Variants in RABGAP1 observed in about 807,000 individuals in gnomAD.
The protein encoded by RABGAP1 is RAB GTPase activating protein 1, also known as rab GTPase-activating protein 1.
A neutral mutation model predicts 137.6 loss-of-function variants in RABGAP1; 23 were observed. That is an observed-to-expected ratio of 0.17 (90% CI 0.12 to 0.24). The LOEUF (loss-of-function observed/expected upper bound fraction) is 0.24. RABGAP1 is among the 10% of genes least tolerant of loss of function. The pLI is 1.00. For synonymous variants in RABGAP1, 451 were observed against 450.7 expected, an observed-to-expected ratio of 1.00 and a Z score of -0.01; for missense variants, 906 against 1,275.8, an observed-to-expected ratio of 0.71 and a Z score of 4.42.
At chr9:122,999,784 C>T (rs1447666761) in intron 10 of RABGAP1, among the ~76,000 whole-genome samples, 1 of 150,808 alleles carries the variant, frequency 6.6e-6, no homozygotes, top group Non-Finnish European at 1.5e-5. Context: ...TCCTGCCCAT[C>T]TCTCTTCTCT....
rs1025434949 is a variant in RABGAP1 at position 122,984,425 on chromosome 9, T to G, written c.151-60T>G. 53 of 1,392,042 alleles carry G rather than the reference T, an allele frequency of 3.8e-5. No individual in the cohort carries two copies. The African/African-American group carries it at 6.1e-4, about 16-fold the overall frequency. The allele number at this position is 1,392,042 out of a possible 1,614,324, so 86.2% of individuals were successfully genotyped here. A position where few individuals can be genotyped will look rare whatever the true frequency, so the allele number is the denominator to read the frequency against. On this transcript the variant is annotated intron_variant, in intron 2 of 25. Transcript: ENST00000373647. ...GATTTTCTTTAGAATGTGAACCCAT[T>G]TTAATCAATACTGGCCAATCTTTGT...
At position 123,101,757 on chromosome 9, in the gene RABGAP1, G is replaced by T. The variant is rs1159167957; in HGVS notation, c.3081G>T (p.Lys1027Asn). 11 of 1,606,868 alleles carry T rather than the reference G, an allele frequency of 6.8e-6. No homozygotes were observed. The highest frequency in any genetic ancestry group is 8.5e-6 in the Non-Finnish European group (10 of 1,176,660). ...TCCAGCTGGTGGAGGCCGAGTGTAA[G>T]ATACAGGTAACAGCAGCAGAGCTCA... ...TKLQLVEAEC[K>N]IQDLEHHLGL... The change falls in exon 25 of 26, where the codon AAG (lysine) becomes AAT (asparagine). Residue 1027 changes from lysine to asparagine, a missense_variant. By Grantham distance (94) the Lys-to-Asn change is moderately conservative. Coordinates refer to ENST00000373647, the MANE Select transcript of RABGAP1 (RefSeq NM_012197.4).
rs1017658143 is a variant in RABGAP1, at chr9:122,998,845, G to A, written c.1374+79G>A. On this transcript the variant is annotated intron_variant, in intron 10 of 25. Transcript: ENST00000373647. ...TCTGAGGCTGATTTCTAAGCCCTCAGATCTTTAAACAGTCATGTGTATTTT... is the reference window on the plus strand; with the variant it reads ...TCTGAGGCTGATTTCTAAGCCCTCAAATCTTTAAACAGTCATGTGTATTTT... 79 of 945,476 alleles carry A rather than the reference G, an allele frequency of 8.4e-5. 1 individual carries two copies. The highest frequency in any genetic ancestry group is 1.2e-4 in the Non-Finnish European group (78 of 656,932). 58.6% of individuals were successfully genotyped at this position (945,476 alleles called of 1,614,324 possible). A position where few individuals can be genotyped will look rare whatever the true frequency, so the allele number is the denominator to read the frequency against.
intron 11 of RABGAP1, 107 bp downstream of exon 11, chr9:123,010,635 T>A: frequency 2.2e-5 from 23 of 1,064,238 alleles, no homozygotes; most frequent in Non-Finnish European, 2.8e-5. Context: ...ATAATTCATT[T>A]AATGAATTCC....
At chr9:123,084,445 C>T (rs1484514104) in intron 19 of RABGAP1, among the ~76,000 whole-genome samples, 1 of 152,208 alleles carries the variant, frequency 6.6e-6, no homozygotes, top group Non-Finnish European at 1.5e-5. Flanking sequence ...CAACATGCTT[C>T]TCTCTCGCCA....
chr9:122,945,888 A>G (rs982911020), intron 1 of RABGAP1: 6 of 152,190 alleles, frequency 3.9e-5, no homozygotes, highest in Non-Finnish European at 5.9e-5. Flanking sequence ...TAACTAACCA[A>G]CAACCTATGG....
At chr9:122,940,979 G>C (rs1196213448), upstream of RABGAP1, 1 of 137,632 alleles carries the variant, frequency 7.3e-6, no homozygotes. Flanking sequence ...GGAAGAAGTC[G>C]CTCTCACGTG....
At chr9:123,038,327 T>C (rs1426044120) in intron 13 of RABGAP1, among the ~76,000 whole-genome samples, 1 of 152,210 alleles carries the variant, frequency 6.6e-6, no homozygotes, top group Non-Finnish European at 1.5e-5. Context: ...TACTTTTTAC[T>C]TGAATAATGG....
At chr9:123,020,212 T>G in intron 12 of RABGAP1, 97 bp from the exon 13 acceptor site, 1 of 1,104,870 alleles carries the variant, frequency 9.1e-7, no homozygotes, top group Non-Finnish European at 1.2e-6. Context: ...CCTTGTCACG[T>G]ATTTGTAAGC....
intron 10 of RABGAP1, among the ~76,000 whole-genome samples, chr9:123,008,701 T>G (rs2030531958): frequency 6.6e-6 from 1 of 152,174 alleles, no homozygotes; most frequent in African/African-American, 2.4e-5. Context: ...TAATTATCAA[T>G]TTAGAATGAA....
intron 10 of RABGAP1, among the ~76,000 whole-genome samples, chr9:123,006,344 T>A (rs2030258876): frequency 6.6e-6 from 1 of 152,244 alleles, no homozygotes; most frequent in Non-Finnish European, 1.5e-5. Flanking sequence ...CTTTTAGATT[T>A]CTGATTCATT....
At chr9:123,006,279 A>G (rs771075965) in intron 10 of RABGAP1, among the ~76,000 whole-genome samples, 11 of 152,212 alleles carry the variant, frequency 7.2e-5, no homozygotes, top group Admixed American at 4.6e-4. Flanking sequence ...CCCAAGTTAC[A>G]AAAAGAATAC....
At chr9:123,050,943 TTTTG>T (rs1163782351) in intron 13 of RABGAP1, among the ~76,000 whole-genome samples, 13 of 152,150 alleles carry the variant, frequency 8.5e-5, no homozygotes, top group Non-Finnish European at 1.8e-4. Flanking sequence ...GCAGGGTTTT[TTTTG>T]TTTGTTTGTT....
At chr9:122,944,248 GAGAT>G (rs745577281) in intron 1 of RABGAP1, among the ~76,000 whole-genome samples, 14 of 150,298 alleles carry the variant, frequency 9.3e-5, no homozygotes, top group Non-Finnish European at 1.3e-4. Flanking sequence ...TTTTTTAAAA[GAGAT>G]AGGGTTTTGT....
At chr9:122,934,621 C>T in the RABGAP1 span, among the ~76,000 whole-genome samples, 2 of 152,072 alleles carry the variant, frequency 1.3e-5, no homozygotes, top group Non-Finnish European at 2.9e-5. Flanking sequence ...CTCGCCTCAG[C>T]CTCTCAAAGT....
chr9:122,984,964 G>A (rs1466066932), intron 3 of RABGAP1, among the ~76,000 whole-genome samples: 1 of 141,856 alleles, frequency 7.0e-6, no homozygotes, highest in African/African-American at 2.6e-5. Flanking sequence ...CATGGCTAAA[G>A]GACACAGAGG....
At chr9:122,935,880 C>G (rs185631434), upstream of RABGAP1, among the ~76,000 whole-genome samples, 6 of 152,130 alleles carry the variant, frequency 3.9e-5, no homozygotes, top group African/African-American at 1.4e-4. Context: ...CTTGGCTTGT[C>G]TTTATCAGGG....
At chr9:123,102,977 T>G (rs1293869319) in intron 25 of RABGAP1, 114 bp from the exon 26 acceptor site, 2 of 1,353,024 alleles carry the variant, frequency 1.5e-6, no homozygotes, top group South Asian at 3.5e-5. Flanking sequence ...CTGGGGGAAT[T>G]CCCCGAGGCC....
At chr9:123,012,824 A>G (rs10985862) in intron 11 of RABGAP1, among the ~76,000 whole-genome samples, 10,144 of 152,312 alleles carry the variant, frequency 0.067, 398 homozygotes, top group African/African-American at 0.083. Flanking sequence ...GAGAACTGGG[A>G]CTAAAGAAAA....
Sources: gnomAD v4.1 joint callset for allele counts (sites outside exome capture counted in the v4.1 genomes callset) on GRCh38, gnomAD v4.1.1 for gene constraint, MANE v1.5 for transcripts, NCBI Gene and HGNC (gene_info 2026-07-23, HGNC 2026-07-21) for gene names.